Variants in FGF13 observed in about 807,000 individuals in gnomAD.
FGF13 encodes the protein fibroblast growth factor homologous factor 2.
In FGF13, 2 loss-of-function variants were observed where a neutral mutation model predicts 19.5. The ratio of observed to expected loss-of-function variants is 0.10; its 90% CI spans 0.04 to 0.32. The LOEUF (loss-of-function observed/expected upper bound fraction) is 0.32. Ranked by LOEUF, FGF13 falls within the 10% of genes least tolerant of loss-of-function variation. The pLI is 1.00. For missense variants in FGF13, 113 were observed against 192.7 expected (o/e 0.59, Z 2.45); for synonymous variants, 72 against 76.9 (o/e 0.94, Z 0.33).
At chrX:139,128,336 T>C (rs1375740092) in intron 1 of FGF13, among the ~76,000 whole-genome samples, 2 of 111,834 alleles carry the variant, frequency 1.8e-5, no homozygotes, top group Admixed American at 9.5e-5. Context: ...CTAGAATGCA[T>C]ACTCTCGGCA....
intron 1 of FGF13, among the ~76,000 whole-genome samples, chrX:139,152,456 C>T (rs1178180352): frequency 1.1e-5 from 1 of 91,961 alleles, no homozygotes; most frequent in Non-Finnish European, 2.2e-5. Context: ...ATAAAAGGGA[C>T]TCTGGTTCTA....
intron 1 of FGF13, among the ~76,000 whole-genome samples, chrX:138,984,584 GAAGA>G (rs2091982143): frequency 5.5e-5 from 3 of 54,098 alleles, no homozygotes; most frequent in African/African-American, 2.2e-4. Context: ...AGAAGAAGAA[GAAGA>G]AGGAGGAGGA....
intron 3 of FGF13, among the ~76,000 whole-genome samples, chrX:138,638,505 C>G (rs1043743945): frequency 1.1e-4 from 12 of 111,828 alleles, no homozygotes; most frequent in African/African-American, 3.6e-4. Flanking sequence ...ACTCTATCTA[C>G]ATCTCTAGCA....
chrX:139,113,926 G>A (rs1379626609), intron 1 of FGF13, among the ~76,000 whole-genome samples: 2 of 111,687 alleles, frequency 1.8e-5, no homozygotes, highest in African/African-American at 6.5e-5. Flanking sequence ...CAGATTCTCC[G>A]GTGTCTCTAG....
rs7891446 is a variant in FGF13, at chrX:139,001,266, T to G, written c.-112-136616A>C. On this transcript the variant is annotated intron_variant, in intron 1 of 2. Transcript: ENST00000421460. ...AAACCTAGGCAATACCATTCAGGACTTAGGGATGTGCAAAGACTTCATGAC... is the reference window on the plus strand; with the variant it reads ...AAACCTAGGCAATACCATTCAGGACGTAGGGATGTGCAAAGACTTCATGAC... Among the ~76,000 whole-genome samples the G allele has an allele frequency of 9.7e-3, 1,080 of 111,104 alleles. 12 individuals carry two copies. The highest frequency in any genetic ancestry group is 0.033 in the African/African-American group (1,018 of 30,454).
intron 1 of FGF13, among the ~76,000 whole-genome samples, chrX:138,911,347 C>G (rs1320381895): frequency 5.5e-5 from 6 of 110,017 alleles, no homozygotes; most frequent in Non-Finnish European, 1.1e-4. Flanking sequence ...TCATCCCTAG[C>G]AAACTAATGC....
intron 3 of FGF13, among the ~76,000 whole-genome samples, chrX:138,759,898 A>G (rs1157595053): frequency 9.0e-6 from 1 of 111,713 alleles, no homozygotes; most frequent in Non-Finnish European, 1.9e-5. Flanking sequence ...TCAAGATCCT[A>G]TATTTCACCT....
At chrX:138,892,549 G>A (rs2091483098) in intron 1 of FGF13, among the ~76,000 whole-genome samples, 1 of 111,201 alleles carries the variant, frequency 9.0e-6, no homozygotes, top group Non-Finnish European at 1.9e-5. Context: ...AGGGCTAAAG[G>A]ATTCTTAACA....
At chrX:139,183,427 G>A (rs919689617) in intron 1 of FGF13, among the ~76,000 whole-genome samples, 1 of 111,813 alleles carries the variant, frequency 8.9e-6, no homozygotes, top group African/African-American at 3.3e-5. Flanking sequence ...CAGTGTTAGA[G>A]GAGGGCCTAG....
chrX:138,682,684 C>T (rs1219999452), intron 3 of FGF13, among the ~76,000 whole-genome samples: 3 of 111,729 alleles, frequency 2.7e-5, no homozygotes, highest in African/African-American at 9.8e-5. Context: ...GATCTCTGGG[C>T]ATAGCAGAAT....
chrX:138,728,056 C>T (rs1469802003), intron 1 of FGF13, among the ~76,000 whole-genome samples: 2 of 111,729 alleles, frequency 1.8e-5, no homozygotes, highest in Non-Finnish European at 3.8e-5. Context: ...TGAATTAATA[C>T]TCTGAAGAGG....
At position 138,619,043 on chromosome X, in the gene FGF13, T is replaced by C. The variant is rs2088992171; in HGVS notation, c.*13807A>G. On this transcript the variant is annotated 3_prime_UTR_variant, in exon 5 of 5. Coordinates refer to ENST00000315930, the MANE Select transcript of FGF13 (RefSeq NM_004114.5). ...ACACCTGCCAAAAACAACACAAAAA[T>C]AATACCACCGAAGAAACTCAGTAAT... is the stretch of plus-strand genomic sequence containing the variant. 2 of 108,602 alleles carry C rather than the reference T, an allele frequency of 1.8e-5. No individual in the cohort carries two copies. Among genetic ancestry groups the C allele is most frequent in the Non-Finnish European group, 3.8e-5 (2 of 52,305 alleles). The allele number at this position is 108,602 out of a possible 1,213,427, so 9.0% of individuals were successfully genotyped here. A position where few individuals can be genotyped will look rare whatever the true frequency, so the allele number is the denominator to read the frequency against.
chrX:138,837,760 C>A (rs2091122895), intron 3 of FGF13, among the ~76,000 whole-genome samples: 1 of 111,448 alleles, frequency 9.0e-6, no homozygotes, highest in Non-Finnish European at 1.9e-5. Context: ...CTGCTTCTGT[C>A]CCCTGTCAGT....
chrX:139,095,006 A>G (rs1477517786), intron 1 of FGF13, among the ~76,000 whole-genome samples: 2 of 112,494 alleles, frequency 1.8e-5, no homozygotes, highest in Non-Finnish European at 3.8e-5. Flanking sequence ...GCCCCCAAAT[A>G]TATGCTGTCA....
At chrX:138,905,515 A>T (rs144003883) in intron 1 of FGF13, among the ~76,000 whole-genome samples, 35 of 111,820 alleles carry the variant, frequency 3.1e-4, no homozygotes, top group Non-Finnish European at 5.8e-4. Flanking sequence ...GGGGACCTTG[A>T]CAACTTTTGG....
At chrX:138,673,397 A>C (rs1262497712) in intron 3 of FGF13, among the ~76,000 whole-genome samples, 1 of 110,555 alleles carries the variant, frequency 9.0e-6, no homozygotes, top group Non-Finnish European at 1.9e-5. Flanking sequence ...CTAGTCTTTT[A>C]ATATGGAAAT....
chrX:138,858,078 G>T, intron 2 of FGF13, among the ~76,000 whole-genome samples: 1 of 112,033 alleles, frequency 8.9e-6, no homozygotes, highest in East Asian at 2.8e-4. Context: ...ATTTGCTTCT[G>T]TTTCTTTTCT....
chrX:138,843,751 T>C (rs1288799777), intron 3 of FGF13, among the ~76,000 whole-genome samples: 2 of 111,919 alleles, frequency 1.8e-5, no homozygotes, highest in African/African-American at 3.2e-5. Flanking sequence ...TCCCAAACAC[T>C]CTACCTTACA....
At chrX:138,911,214 C>T (rs2091585745) in intron 1 of FGF13, among the ~76,000 whole-genome samples, 1 of 111,709 alleles carries the variant, frequency 9.0e-6, no homozygotes, top group East Asian at 2.8e-4. Context: ...CTGAGCGCAC[C>T]TCCAGGCCAT....
Sources: allele counts gnomAD v4.1 joint callset (sites outside exome capture counted in the v4.1 genomes callset), GRCh38; gene constraint gnomAD v4.1.1; transcripts MANE v1.5; gene names NCBI Gene and HGNC (gene_info 2026-07-23, HGNC 2026-07-21).